Variants in GALNT17 observed in about 807,000 individuals in gnomAD.
GALNT17 encodes the protein polypeptide N-acetylgalactosaminyltransferase 17, also known as UDP-GalNAc:polypeptide N-acetylgalactosaminyltransferase-like 3.
GALNT17 carries 29 observed loss-of-function variants against 63.7 expected under a neutral mutation model. The observed-to-expected ratio is 0.46, with a 90% CI of 0.34 to 0.62. The LOEUF is 0.62. Ranked by LOEUF, GALNT17 falls within the 20% of genes least tolerant of loss-of-function variation. The pLI is 0.01. For missense variants in GALNT17, 603 were observed against 799.6 expected (o/e 0.75, Z 2.97); for synonymous variants, 305 against 318.3 (o/e 0.96, Z 0.45).
chr7:71,598,668 T>C (rs980062552), intron 6 of GALNT17, among the ~76,000 whole-genome samples: 21 of 152,300 alleles, frequency 1.4e-4, no homozygotes, highest in Admixed American at 1.2e-3. Flanking sequence ...GAAAAGAATC[T>C]ATGGAAATGC....
chr7:71,541,068 G>A (rs557291858), intron 5 of GALNT17, among the ~76,000 whole-genome samples: 49 of 151,810 alleles, frequency 3.2e-4, no homozygotes, highest in Middle Eastern at 3.4e-3. Context: ...GTGAAACCTC[G>A]TCTCTACTAA....
intron 1 of GALNT17, among the ~76,000 whole-genome samples, chr7:71,168,504 G>A (rs548497533): frequency 2.4e-4 from 36 of 152,070 alleles, no homozygotes; most frequent in African/African-American, 8.2e-4. Flanking sequence ...CCCCGGAGGC[G>A]GATGTTGCAG....
chr7:71,635,674 T>C (rs1251380545), intron 6 of GALNT17, among the ~76,000 whole-genome samples: 2 of 152,056 alleles, frequency 1.3e-5, no homozygotes, highest in African/African-American at 2.4e-5. Context: ...TGAAAGCAAG[T>C]TTATTAAAGG....
intron 5 of GALNT17, among the ~76,000 whole-genome samples, chr7:71,520,724 G>A (rs561620667): frequency 2.0e-5 from 3 of 152,054 alleles, no homozygotes; most frequent in African/African-American, 7.2e-5. Context: ...CCATCAGTGT[G>A]GTCGTTGGAA....
chr7:71,158,461 C>G (rs1788278036), intron 1 of GALNT17, among the ~76,000 whole-genome samples: 1 of 151,570 alleles, frequency 6.6e-6, no homozygotes, highest in Non-Finnish European at 1.5e-5. Flanking sequence ...GTGGCGTGAT[C>G]TTGGCTCACT....
At chr7:71,218,474 G>A (rs1258062153) in intron 1 of GALNT17, among the ~76,000 whole-genome samples, 1 of 152,134 alleles carries the variant, frequency 6.6e-6, no homozygotes. Context: ...TTCGTGTCCT[G>A]TTTCCTTGAG....
At chr7:71,310,972 A>G (rs1235906982) in intron 1 of GALNT17, among the ~76,000 whole-genome samples, 1 of 152,214 alleles carries the variant, frequency 6.6e-6, no homozygotes, top group African/African-American at 2.4e-5. Flanking sequence ...AGGAGGTAAC[A>G]CCAGTGAGCA....
intron 1 of GALNT17, among the ~76,000 whole-genome samples, chr7:71,313,584 AT>A (rs2115956163): frequency 6.6e-6 from 1 of 152,348 alleles, no homozygotes; most frequent in South Asian, 2.1e-4. Flanking sequence ...GTGAAAAAAA[AT>A]AACTTCAATG....
At chr7:71,202,916 G>T (rs1789200950) in intron 1 of GALNT17, among the ~76,000 whole-genome samples, 2 of 152,066 alleles carry the variant, frequency 1.3e-5, no homozygotes, top group Admixed American at 1.3e-4. Context: ...TGTCCTCCAG[G>T]TTCATTCACG....
chr7:71,569,620 C>G (rs550478135), intron 5 of GALNT17, among the ~76,000 whole-genome samples: 1 of 152,308 alleles, frequency 6.6e-6, no homozygotes, highest in South Asian at 2.1e-4. Flanking sequence ...GATGCTGATG[C>G]AGTTGGTCCC....
At chr7:71,160,585 A>T (rs1245466425) in intron 1 of GALNT17, among the ~76,000 whole-genome samples, 4 of 152,092 alleles carry the variant, frequency 2.6e-5, no homozygotes, top group African/African-American at 7.2e-5. Flanking sequence ...CAGCCTCCCA[A>T]GTAGCTGGGA....
In GALNT17 at chr7:71,237,328, T is replaced by G. The variant is rs559364621; in HGVS notation, c.239-98222T>G. 5.9e-5 allele frequency among the ~76,000 whole-genome samples: 9 copies of G among 151,890 alleles called. No homozygotes were observed. The East Asian group carries it at 9.7e-4, about 16-fold the overall frequency. ...ATCCCCATTTTCAAGATGAGAGAAT[T>G]GGGGCTCAGAGGGGTGTAGTCATTT... On this transcript the variant is annotated intron_variant, in intron 1 of 10. Coordinates refer to ENST00000333538, the MANE Select transcript of GALNT17 (RefSeq NM_022479.3).
At chr7:71,461,435 A>G (rs796195013) in intron 5 of GALNT17, among the ~76,000 whole-genome samples, 7 of 152,316 alleles carry the variant, frequency 4.6e-5, no homozygotes, top group African/African-American at 1.4e-4. Flanking sequence ...TACCTTTTTA[A>G]TGACTTCTAT....
intron 1 of GALNT17, among the ~76,000 whole-genome samples, chr7:71,315,189 G>A (rs1377142056): frequency 2.6e-5 from 4 of 152,116 alleles, no homozygotes; most frequent in Non-Finnish European, 4.4e-5. Flanking sequence ...CCATGTTGTA[G>A]CATCTATCGG....
chr7:71,613,850 G>C (rs553941748), intron 6 of GALNT17, among the ~76,000 whole-genome samples: 202 of 148,472 alleles, frequency 1.4e-3, no homozygotes, highest in Non-Finnish European at 2.6e-3. Context: ...TGTAGTCCCA[G>C]CTGAGGCAAA....
At position 71,506,198 on chromosome 7, in the gene GALNT17, C is replaced by T. The variant is rs189221122; in HGVS notation, c.963-65087C>T. On this transcript the variant is annotated intron_variant, in intron 5 of 10. Transcript: ENST00000333538. ...ATCCATAAAAAATAAAATTGGAATT[C>T]ACAGTTCTAAAATCAAACAGGAGGA... Among the ~76,000 whole-genome samples the T allele has an allele frequency of 8.5e-5, 13 of 152,228 alleles. No individual in the cohort carries two copies. In the East Asian group the frequency reaches 2.1e-3, roughly 25 times the overall value.
intron 6 of GALNT17, among the ~76,000 whole-genome samples, chr7:71,664,968 ATTATTTAT>A (rs370230791): frequency 6.6e-6 from 1 of 151,864 alleles, no homozygotes; most frequent in Admixed American, 6.6e-5. Flanking sequence ...TCTCATTGGC[ATTATTTAT>A]TTATTTATTT....
chr7:71,296,475 C>G (rs1302310565), intron 1 of GALNT17, among the ~76,000 whole-genome samples: 3 of 151,884 alleles, frequency 2.0e-5, no homozygotes, highest in Non-Finnish European at 1.5e-5. Flanking sequence ...ATTAGCCGGG[C>G]ATGGTGGCAG....
At chr7:71,295,903 CCTTT>C (rs554227287) in intron 1 of GALNT17, among the ~76,000 whole-genome samples, 2 of 151,926 alleles carry the variant, frequency 1.3e-5, no homozygotes, top group Non-Finnish European at 2.9e-5. Flanking sequence ...CAGGAGTCTG[CCTTT>C]CTTTCTTGGG....
Sources: gnomAD v4.1 joint callset for allele counts (sites outside exome capture counted in the v4.1 genomes callset) on GRCh38, gnomAD v4.1.1 for gene constraint, MANE v1.5 for transcripts, NCBI Gene and HGNC (gene_info 2026-07-23, HGNC 2026-07-21) for gene names.